CCNH: variants seen among roughly 807,000 people sequenced by gnomAD.
CCNH encodes cyclin-H.
A neutral mutation model predicts 41.9 loss-of-function variants in CCNH; 31 were observed. That is an observed-to-expected ratio of 0.74 (90% CI 0.56 to 1.00). The LOEUF is 1.00. CCNH is among the 50% of genes least tolerant of loss of function. CCNH has a pLI of 0.00. For synonymous variants in CCNH, 138 were observed against 136.1 expected, an observed-to-expected ratio of 1.01 and a Z score of -0.10; for missense variants, 362 against 388.4, an observed-to-expected ratio of 0.93 and a Z score of 0.57.
intron 9 of CCNH, chr5:87,333,232 AT>A: frequency 6.2e-7 from 1 of 1,606,006 alleles, no homozygotes; most frequent in Non-Finnish European, 8.5e-7. Flanking sequence ...TAAAAAGACT[AT>A]CTTTTTAAAT....
chr5:87,351,641 T>A (rs1177602182), intron 9 of CCNH, among the ~76,000 whole-genome samples: 1 of 151,748 alleles, frequency 6.6e-6, no homozygotes, highest in Non-Finnish European at 1.5e-5. Flanking sequence ...ATTTCATGGC[T>A]GGAACTTATA....
downstream of CCNH, among the ~76,000 whole-genome samples, chr5:87,313,892 G>T (rs1756113736): frequency 6.6e-6 from 1 of 152,184 alleles, no homozygotes; most frequent in South Asian, 2.1e-4. Flanking sequence ...TTTGGGCCGG[G>T]CGTGGTGGCT....
upstream of CCNH, among the ~76,000 whole-genome samples, chr5:87,381,246 A>G (rs1037395262): frequency 6.6e-6 from 1 of 152,182 alleles, no homozygotes; most frequent in African/African-American, 2.4e-5. Context: ...GTTAAGTTGA[A>G]CTAAGGTTTT....
chr5:87,368,133 T>TA (rs201302523), intron 9 of CCNH, among the ~76,000 whole-genome samples: 14 of 151,440 alleles, frequency 9.2e-5, no homozygotes, highest in African/African-American at 2.7e-4. Context: ...GGAGTCTGGT[T>TA]AAAAAAAAAG....
chr5:87,344,423 A>C (rs903596391), intron 9 of CCNH, among the ~76,000 whole-genome samples: 1 of 152,142 alleles, frequency 6.6e-6, no homozygotes, highest in Admixed American at 6.6e-5. Context: ...ATGATCTGTT[A>C]TCTGGTTATT....
chr5:87,407,338 C>T (rs1270456975), intron 4 of CCNH, among the ~76,000 whole-genome samples: 1 of 152,172 alleles, frequency 6.6e-6, no homozygotes, highest in Non-Finnish European at 1.5e-5. Flanking sequence ...TTTCTGGTTA[C>T]ATCCTCAAGC....
At chr5:87,403,697 G>C (rs141457377) in intron 5 of CCNH, among the ~76,000 whole-genome samples, 2 of 152,130 alleles carry the variant, frequency 1.3e-5, no homozygotes, top group African/African-American at 4.8e-5. Flanking sequence ...TAGGAGGATC[G>C]CTTGAGGCTG....
At chr5:87,359,092 G>A (rs1032258366) in intron 9 of CCNH, among the ~76,000 whole-genome samples, 5 of 151,962 alleles carry the variant, frequency 3.3e-5, no homozygotes, top group Admixed American at 3.3e-4. Flanking sequence ...ATGAGGATAG[G>A]GGTCTTTGAT....
intron 9 of CCNH, among the ~76,000 whole-genome samples, chr5:87,355,268 G>A (rs754415960): frequency 1.3e-5 from 2 of 152,110 alleles, no homozygotes; most frequent in Non-Finnish European, 2.9e-5. Flanking sequence ...AGCTTCAAAG[G>A]TCAGGCTGAC....
intron 9 of CCNH, among the ~76,000 whole-genome samples, chr5:87,385,642 T>C (rs564181944): frequency 2.0e-5 from 3 of 152,236 alleles, no homozygotes; most frequent in East Asian, 3.9e-4. Flanking sequence ...TCTCCCACTT[T>C]TAAACATAAT....
At chr5:87,394,775 G>A in intron 8 of CCNH, 1 of 1,340,614 alleles carries the variant, frequency 7.5e-7, no homozygotes, top group Non-Finnish European at 9.5e-7. Flanking sequence ...AATCCTTGGA[G>A]AATAAGAAAA....
chr5:87,356,884 C>T (rs1488867043), intron 9 of CCNH, among the ~76,000 whole-genome samples: 2 of 152,086 alleles, frequency 1.3e-5, no homozygotes, highest in East Asian at 1.9e-4. Flanking sequence ...CCTTCATTCC[C>T]GCATGCTTTC....
intron 1 of CCNH, 155 bp downstream of exon 1, chr5:87,412,523 T>G: frequency 6.9e-7 from 1 of 1,441,330 alleles, no homozygotes; most frequent in South Asian, 1.4e-5. Context: ...CCACGGAACC[T>G]GGCAAGGTGC....
At chr5:87,362,619 A>G (rs1239635800) in intron 9 of CCNH, 1 of 1,598,708 alleles carries the variant, frequency 6.3e-7, no homozygotes, top group Non-Finnish European at 8.6e-7. Flanking sequence ...GTCGTAAAAC[A>G]AAGGATGCCT....
At chr5:87,340,814 T>C (rs375050026) in intron 9 of CCNH, among the ~76,000 whole-genome samples, 4 of 152,100 alleles carry the variant, frequency 2.6e-5, no homozygotes, top group South Asian at 2.1e-4. Context: ...GCTACAGTGG[T>C]GGGAGATTGG....
intron 9 of CCNH, among the ~76,000 whole-genome samples, chr5:87,334,723 GTGT>G (rs766559571): frequency 5.9e-5 from 9 of 152,202 alleles, no homozygotes; most frequent in Non-Finnish European, 1.2e-4. Flanking sequence ...TCATTGAAGA[GTGT>G]TGTTGATGAG....
At chr5:87,324,873 G>C (rs1389719079) in intron 9 of CCNH, among the ~76,000 whole-genome samples, 1 of 151,902 alleles carries the variant, frequency 6.6e-6, no homozygotes, top group Non-Finnish European at 1.5e-5. Context: ...GAAAAAAAAG[G>C]CCAAGTAAAG....
intron 9 of CCNH, chr5:87,385,202 G>C: frequency 1.2e-6 from 1 of 821,326 alleles, no homozygotes; most frequent in Non-Finnish European, 2.1e-6. Flanking sequence ...ATGGGTAGTA[G>C]TTTAACAGTA....
rs935679510 is a variant in CCNH at position 87,348,226 on chromosome 5, T to C, written c.*91-29329A>G. Among the ~76,000 whole-genome samples the C allele has an allele frequency of 2.0e-5, 3 of 152,048 alleles. 1 individual carries two copies. The East Asian group carries it at 5.8e-4, about 29-fold the overall frequency. The stretch of plus-strand genomic sequence containing the variant: ...AGATTCAGTTTAAGGAGATTTATTT[T>C]TTTCTTTTTACTGAACATGAAGTTA... On this transcript the variant is annotated intron_variant and NMD_transcript_variant, in intron 9 of 9. Transcript: ENST00000645953.
Sources: gnomAD v4.1 joint callset for allele counts (sites outside exome capture counted in the v4.1 genomes callset) on GRCh38, gnomAD v4.1.1 for gene constraint, MANE v1.5 for transcripts, NCBI Gene and HGNC (gene_info 2026-07-23, HGNC 2026-07-21) for gene names.